The following LOXL2 variants were observed in gnomAD, a reference collection of about 807,000 sequenced individuals.
LOXL2 encodes lysyl oxidase like 2.
In LOXL2, 70 loss-of-function variants were observed where a neutral mutation model predicts 93.0. That is an observed-to-expected ratio of 0.75 (90% CI 0.62 to 0.92). LOXL2 has a LOEUF of 0.92. Among genes scored for constraint, LOXL2 ranks in the 40% least tolerant of loss-of-function variants. The pLI is 0.00. For synonymous variants in LOXL2, 438 were observed against 413.2 expected, an observed-to-expected ratio of 1.06 and a Z score of -0.73; for missense variants, 973 against 1,054.9, an observed-to-expected ratio of 0.92 and a Z score of 1.08.
At position 23,375,246 on chromosome 8, in the gene LOXL2, G is replaced by A. The variant is rs531097463; in HGVS notation, c.-83-6812C>T. ...GTTTTTGTCAGGTTTGTTAAAGATC[G>A]GATGGTTGTAGATGTATGGTATTAT... On this transcript the variant is annotated intron_variant, in intron 1 of 13. Transcript: ENST00000389131. Among the ~76,000 whole-genome samples the A allele has an allele frequency of 6.5e-4, 99 of 152,194 alleles. No individual in the cohort carries two copies. The East Asian group carries it at 0.015, about 23-fold the overall frequency.
intron 1 of LOXL2, among the ~76,000 whole-genome samples, chr8:23,371,486 C>T (rs1016412948): frequency 5.3e-5 from 8 of 152,138 alleles, no homozygotes; most frequent in African/African-American, 1.9e-4. Flanking sequence ...GGTGCAGTGG[C>T]TCACGCCTGT....
At chr8:23,360,938 G>T (rs1804280009) in intron 2 of LOXL2, among the ~76,000 whole-genome samples, 1 of 151,308 alleles carries the variant, frequency 6.6e-6, no homozygotes, top group African/African-American at 2.4e-5. Flanking sequence ...GTCTTGCTCT[G>T]TCGCCAGGCT....
chr8:23,309,649 G>A lies in LOXL2; in HGVS notation c.1880+19C>T. The A allele has an allele frequency of 1.4e-6, 2 of 1,414,380 alleles. No homozygotes were observed. Among genetic ancestry groups the A allele is most frequent in the South Asian group, 1.6e-5 (1 of 64,214 alleles). 87.6% of individuals were successfully genotyped at this position (1,414,380 alleles called of 1,614,324 possible). ...GTCCGCCGGGCAGCTTAGTGGGGAG[G>A]GTGGCCAGCCAGGCCTACCTGTGAC... On this transcript the variant is annotated intron_variant, in intron 10 of 13. Coordinates refer to ENST00000389131, the MANE Select transcript of LOXL2 (RefSeq NM_002318.3).
At chr8:23,389,291 C>G (rs1563209859) in intron 1 of LOXL2, among the ~76,000 whole-genome samples, 1 of 152,174 alleles carries the variant, frequency 6.6e-6, no homozygotes, top group Admixed American at 6.6e-5. Context: ...CCAAAAAACT[C>G]TCCAGTATCA....
intron 9 of LOXL2, among the ~76,000 whole-genome samples, chr8:23,316,492 C>T (rs372551637): frequency 3.3e-5 from 5 of 152,210 alleles, no homozygotes; most frequent in African/African-American, 1.2e-4. Flanking sequence ...GCTGGCATTC[C>T]CTTCTGTGGG....
intron 4 of LOXL2, among the ~76,000 whole-genome samples, chr8:23,339,184 C>T (rs762156370): frequency 6.6e-6 from 1 of 152,178 alleles, no homozygotes; most frequent in Non-Finnish European, 1.5e-5. Context: ...CACAAAATGA[C>T]AGGGCCAAGC....
chr8:23,315,599 G>A (rs2117152806), intron 9 of LOXL2, among the ~76,000 whole-genome samples: 1 of 152,264 alleles, frequency 6.6e-6, no homozygotes, highest in South Asian at 2.1e-4. Context: ...GGCTTCTCTT[G>A]ACTCACAGCC....
intron 1 of LOXL2, among the ~76,000 whole-genome samples, chr8:23,376,597 A>T (rs575687831): frequency 6.6e-6 from 1 of 152,232 alleles, no homozygotes; most frequent in African/African-American, 2.4e-5. Flanking sequence ...TAGGCTATTA[A>T]TTATTGCCTC....
At chr8:23,374,920 C>A (rs888414889) in intron 1 of LOXL2, among the ~76,000 whole-genome samples, 9 of 152,168 alleles carry the variant, frequency 5.9e-5, no homozygotes, top group African/African-American at 1.9e-4. Flanking sequence ...ATGGTAGTTT[C>A]TTTTGCTGTG....
chr8:23,316,950 T>C lies in LOXL2; in HGVS notation c.1635A>G (p.Glu545=), dbSNP rs752353125. 1.3e-6 allele frequency: 2 copies of C among 1,586,538 alleles called. No individual in the cohort carries two copies. The highest frequency in any genetic ancestry group is 1.7e-6 in the Non-Finnish European group (2 of 1,165,420). The change falls in exon 9 of 14, where the codon GAA becomes GAG. Residue 545 remains glutamate, a splice_region_variant and synonymous_variant. Coordinates refer to ENST00000389131, the MANE Select transcript of LOXL2 (RefSeq NM_002318.3). ...GGGAGGGAGGGGAGGAGCTCTCACT[T>C]TCTGAGCAGGCAACTCCGGCCCCGT... ...VQYGAGVACS[E]TAPDLVLNAE...
At chr8:23,374,520 G>A (rs543497297) in intron 1 of LOXL2, among the ~76,000 whole-genome samples, 104 of 152,230 alleles carry the variant, frequency 6.8e-4, no homozygotes, top group African/African-American at 2.5e-3. Context: ...TTGAGGAATC[G>A]CCACACTGTC....
At chr8:23,357,068 GTCT>G (rs144653538) in intron 3 of LOXL2, among the ~76,000 whole-genome samples, 3 of 151,574 alleles carry the variant, frequency 2.0e-5, no homozygotes, top group African/African-American at 4.9e-5. Context: ...TTTTTTTTCA[GTCT>G]TCTTTTTTTT....
intron 13 of LOXL2, 29 bp from the exon 14 acceptor site, chr8:23,298,151 T>G: frequency 6.3e-7 from 1 of 1,576,286 alleles, no homozygotes. Flanking sequence ...GTAGAGAGAG[T>G]GGACAAATGA....
intron 1 of LOXL2, chr8:23,370,781 C>T (rs978331780): frequency 6.6e-6 from 1 of 152,236 alleles, no homozygotes; most frequent in East Asian, 1.9e-4. Context: ...GACAAAGGGA[C>T]CTGTTAAACA....
intron 10 of LOXL2, among the ~76,000 whole-genome samples, chr8:23,304,038 C>T (rs553111212): frequency 6.6e-6 from 1 of 152,366 alleles, no homozygotes; most frequent in East Asian, 1.9e-4. Flanking sequence ...AGTCTGTGCT[C>T]CTCGCATTGT....
In LOXL2 at chr8:23,368,181, C is replaced by G. The variant is rs756721485; in HGVS notation, c.171G>C (p.Gln57His). Residue 57 changes from glutamine (Q) to histidine (H), a missense_variant, in exon 2 of 14, where the codon CAG becomes CAC. Gln to His is a conservative substitution (Grantham distance 24, BLOSUM62 0). Transcript: ENST00000389131. ...TCCTCTTCTGCCCAGCCAGGCGCAG[C>G]TGAATCTTGGCCACGTTGGCGGGGG... ...PQAPANVAKI[Q>H]LRLAGQKRKH... is the part of the protein sequence containing the mutation. 1.2e-6 allele frequency: 2 copies of G among 1,614,138 alleles called. No homozygotes were observed. Among genetic ancestry groups the G allele is most frequent in the South Asian group, 2.2e-5 (2 of 91,086 alleles).
intron 12 of LOXL2, among the ~76,000 whole-genome samples, chr8:23,300,878 A>G (rs148546420): frequency 3.1e-3 from 466 of 152,320 alleles, no homozygotes; most frequent in Non-Finnish European, 5.0e-3. Flanking sequence ...ACCACCAGGC[A>G]CTGTATACGT....
chr8:23,385,948 G>C lies in LOXL2; in HGVS notation c.-83-17514C>G, dbSNP rs199807072. On this transcript the variant is annotated intron_variant, in intron 1 of 13. Transcript: ENST00000389131. ...GCATCTCAATTCCAAGCAGCACATT[G>C]CAAGTGTTTGGTGGCCCCATATGGT... The C allele has an allele frequency of 2.6e-5, 20 of 765,142 alleles. No homozygotes were observed. In the Admixed American group the frequency reaches 2.7e-4, roughly 10 times the overall value. The allele number at this position is 765,142 out of a possible 1,614,324, so 47.4% of individuals were successfully genotyped here.
chr8:23,300,058 G>T (rs1219774667), intron 12 of LOXL2, among the ~76,000 whole-genome samples: 1 of 152,232 alleles, frequency 6.6e-6, no homozygotes, highest in Non-Finnish European at 1.5e-5. Flanking sequence ...CCTCGTTCCT[G>T]GCCCACACAT....
Sources: allele counts gnomAD v4.1 joint callset (sites outside exome capture counted in the v4.1 genomes callset), GRCh38; gene constraint gnomAD v4.1.1; transcripts MANE v1.5; gene names NCBI Gene and HGNC (gene_info 2026-07-23, HGNC 2026-07-21).